NRCAM: variants seen among roughly 807,000 people sequenced by gnomAD.
The protein encoded by NRCAM is NgCAM-related cell adhesion molecule.
A neutral mutation model predicts 156.5 loss-of-function variants in NRCAM; 83 were observed. The ratio of observed to expected loss-of-function variants is 0.53; its 90% CI spans 0.44 to 0.64. The LOEUF is 0.64. NRCAM is among the 30% of genes least tolerant of loss of function. NRCAM has a pLI of 0.00. For synonymous variants in NRCAM, 538 were observed against 563.9 expected, an observed-to-expected ratio of 0.95 and a Z score of 0.65; for missense variants, 1,417 against 1,597.3, an observed-to-expected ratio of 0.89 and a Z score of 1.92.
At chr7:108,202,645 T>A (rs1394344577) in intron 13 of NRCAM, among the ~76,000 whole-genome samples, 1 of 152,216 alleles carries the variant, frequency 6.6e-6, no homozygotes, top group African/African-American at 2.4e-5. Context: ...CTTAGTTTTG[T>A]GAAAAGGAAG....
At chr7:108,275,133 G>A (rs915523444) in intron 3 of NRCAM, among the ~76,000 whole-genome samples, 8 of 152,080 alleles carry the variant, frequency 5.3e-5, no homozygotes, top group African/African-American at 1.2e-4. Context: ...TGCTGCATTC[G>A]GTTTGCCAGT....
At chr7:108,267,522 T>C (rs958391257) in intron 3 of NRCAM, among the ~76,000 whole-genome samples, 1 of 152,196 alleles carries the variant, frequency 6.6e-6, no homozygotes, top group Non-Finnish European at 1.5e-5. Context: ...ATAAAGGTAT[T>C]CCACTTTGAA....
chr7:108,276,126 A>G (rs1424796840), intron 3 of NRCAM, among the ~76,000 whole-genome samples: 1 of 151,978 alleles, frequency 6.6e-6, no homozygotes, highest in African/African-American at 2.4e-5. Context: ...TTTCTTTTAC[A>G]TTTGCTGAGG....
chr7:108,153,077 C>G (rs1227140086), intron 32 of NRCAM, among the ~76,000 whole-genome samples: 1 of 151,986 alleles, frequency 6.6e-6, no homozygotes, highest in Non-Finnish European at 1.5e-5. Context: ...GTCATGAGAA[C>G]CACTCCTTTA....
chr7:108,286,626 A>C (rs2154107114), intron 3 of NRCAM, among the ~76,000 whole-genome samples: 1 of 142,148 alleles, frequency 7.0e-6, no homozygotes, highest in South Asian at 2.3e-4. Context: ...AATCCTCCCA[A>C]ATCCTGTGAA....
intron 26 of NRCAM, 94 bp from the exon 27 acceptor site, chr7:108,176,700 G>T: frequency 1.0e-6 from 1 of 953,520 alleles, no homozygotes; most frequent in Non-Finnish European, 1.5e-6. Flanking sequence ...TGTTCAACCT[G>T]GCTTACATTG....
At chr7:108,411,589 G>T (rs1023591082) in intron 1 of NRCAM, among the ~76,000 whole-genome samples, 3 of 152,044 alleles carry the variant, frequency 2.0e-5, no homozygotes, top group Non-Finnish European at 4.4e-5. Flanking sequence ...GAGTGCAATG[G>T]CGTGATCTCA....
chr7:108,295,779 A>G (rs955047768), intron 3 of NRCAM, among the ~76,000 whole-genome samples: 3 of 152,240 alleles, frequency 2.0e-5, no homozygotes, highest in African/African-American at 7.2e-5. Context: ...GTCCATCTTC[A>G]TGAGTGGAGA....
At chr7:108,387,365 C>T (rs890654840) in intron 2 of NRCAM, among the ~76,000 whole-genome samples, 9 of 152,010 alleles carry the variant, frequency 5.9e-5, no homozygotes, top group African/African-American at 2.2e-4. Flanking sequence ...CAATAAAGTG[C>T]TCTCTGTATT....
At chr7:108,213,054 A>C (rs1402439322) in intron 11 of NRCAM, among the ~76,000 whole-genome samples, 1 of 152,230 alleles carries the variant, frequency 6.6e-6, no homozygotes. Context: ...TTCTCAGCAG[A>C]AATCCTACAA....
chr7:108,309,797 C>T (rs985085244), intron 3 of NRCAM, among the ~76,000 whole-genome samples: 2 of 152,222 alleles, frequency 1.3e-5, no homozygotes, highest in East Asian at 3.9e-4. Context: ...GTGGAGTTTG[C>T]AGTGAGCAGA....
At chr7:108,388,245 T>G (rs950268991) in intron 2 of NRCAM, among the ~76,000 whole-genome samples, 23 of 151,988 alleles carry the variant, frequency 1.5e-4, no homozygotes, top group Admixed American at 3.3e-4. Flanking sequence ...TTTAATGATC[T>G]CCATTCTAAC....
intron 1 of NRCAM, among the ~76,000 whole-genome samples, chr7:108,419,867 T>A (rs1806911909): frequency 6.6e-6 from 1 of 152,164 alleles, no homozygotes; most frequent in Non-Finnish European, 1.5e-5. Context: ...ATTAAGTCTG[T>A]CCAGGTGCAC....
chr7:108,324,137 T>G, intron 2 of NRCAM, among the ~76,000 whole-genome samples: 1 of 151,796 alleles, frequency 6.6e-6, no homozygotes, highest in South Asian at 2.1e-4. Flanking sequence ...GGGAGTGACA[T>G]GACCTGACTT....
intron 11 of NRCAM, among the ~76,000 whole-genome samples, chr7:108,211,618 C>G (rs543981429): frequency 6.6e-6 from 1 of 152,098 alleles, no homozygotes; most frequent in Non-Finnish European, 1.5e-5. Context: ...GGATTTCCCT[C>G]GCTTCCCCAA....
At chr7:108,276,684 T>C (rs2097640698) in intron 3 of NRCAM, among the ~76,000 whole-genome samples, 1 of 152,196 alleles carries the variant, frequency 6.6e-6, no homozygotes, top group African/African-American at 2.4e-5. Context: ...CTTGACTCTT[T>C]ATCTAATTTG....
intron 7 of NRCAM, 57 bp downstream of exon 7, chr7:108,232,269 T>G (rs2094432397): frequency 2.4e-6 from 3 of 1,257,924 alleles, no homozygotes; most frequent in Non-Finnish European, 3.3e-6. Flanking sequence ...TCACAGAAGC[T>G]GAGTCTTGGA....
intron 1 of NRCAM, among the ~76,000 whole-genome samples, chr7:108,447,259 CTTTTT>C (rs34273772): frequency 1.2e-5 from 1 of 84,254 alleles, no homozygotes; most frequent in Non-Finnish European, 2.2e-5. Context: ...TCACTTCTTT[CTTTTT>C]TTTTTTTTTT....
rs751754162 is a variant in NRCAM, at chr7:108,198,000, T to C, written c.1307A>G (p.Asn436Ser). 5.7e-6 allele frequency: 9 copies of C among 1,588,604 alleles called. No individual in the cohort carries two copies. In the African/African-American group the frequency reaches 1.1e-4, roughly 19 times the overall value. ...SSAVYQCNAS[N>S]EYGYLLANAF... Reference sequence around the variant, plus strand: ...GTTTGCCAGTAAATATCCATATTCATTAGAGGCATTGCACTGATAGACTGC... The same window carrying C: ...GTTTGCCAGTAAATATCCATATTCACTAGAGGCATTGCACTGATAGACTGC... Residue 436 changes from asparagine to serine, a missense_variant, in exon 14 of 33, where the codon AAT (asparagine) becomes AGT (serine). Physicochemically the swap from Asn to Ser is conservative, Grantham distance 46. This residue lies in a region of NRCAM where 1,238 missense variants were observed against 1,336.4 expected (regional missense o/e 0.93). Transcript: ENST00000379028.
Sources: allele counts gnomAD v4.1 joint callset (sites outside exome capture counted in the v4.1 genomes callset), GRCh38; gene constraint gnomAD v4.1.1; regional missense constraint gnomAD v4.1.1; transcripts MANE v1.5; gene names NCBI Gene and HGNC (gene_info 2026-07-23, HGNC 2026-07-21).